The following SLC8A1 variants were observed in gnomAD, a reference collection of about 807,000 sequenced individuals.
The protein encoded by SLC8A1 is solute carrier family 8 member A1, also known as sodium/calcium exchanger 1.
A neutral mutation model predicts 68.3 loss-of-function variants in SLC8A1; 18 were observed. The ratio of observed to expected loss-of-function variants is 0.26; its 90% CI spans 0.18 to 0.39. SLC8A1 has a LOEUF of 0.39. Among genes scored for constraint, SLC8A1 ranks in the 10% least tolerant of loss-of-function variants. SLC8A1 has a pLI of 1.00. For synonymous variants in SLC8A1, 475 were observed against 415.5 expected, an observed-to-expected ratio of 1.14 and a Z score of -1.74; for missense variants, 985 against 1,156.7, an observed-to-expected ratio of 0.85 and a Z score of 2.15.
chr2:40,182,208 G>A (rs1481050513), intron 2 of SLC8A1, among the ~76,000 whole-genome samples: 1 of 152,162 alleles, frequency 6.6e-6, no homozygotes, highest in African/African-American at 2.4e-5. Context: ...GAACTGTTGG[G>A]TAGACACAGT....
At chr2:40,451,737 T>TCA (rs756970142) in intron 1 of SLC8A1, among the ~76,000 whole-genome samples, 167 bp downstream of exon 1, 14,563 of 133,546 alleles carry the variant, frequency 0.11, 917 homozygotes, top group Non-Finnish European at 0.13. Flanking sequence ...ACACACCACA[T>TCA]CACACACACA....
At chr2:40,330,344 G>C (rs571092965) in intron 2 of SLC8A1, among the ~76,000 whole-genome samples, 1 of 152,238 alleles carries the variant, frequency 6.6e-6, no homozygotes, top group South Asian at 2.1e-4. Context: ...TCTTTAAGCT[G>C]AATTCCCATA....
chr2:40,350,564 T>A (rs1285314158), intron 2 of SLC8A1, among the ~76,000 whole-genome samples: 1 of 107,324 alleles, frequency 9.3e-6, no homozygotes, highest in Non-Finnish European at 1.7e-5. Flanking sequence ...AAGCAAGCAT[T>A]ACTTCTCACG....
At chr2:40,415,076 TGAA>T (rs1465780244) in intron 2 of SLC8A1, among the ~76,000 whole-genome samples, 1 of 152,122 alleles carries the variant, frequency 6.6e-6, no homozygotes, top group East Asian at 1.9e-4. Context: ...ATGGAATGCA[TGAA>T]GAAGACTGAT....
At chr2:40,299,426 T>C (rs2071016335) in intron 2 of SLC8A1, among the ~76,000 whole-genome samples, 1 of 152,170 alleles carries the variant, frequency 6.6e-6, no homozygotes, top group South Asian at 2.1e-4. Context: ...CATGCTCTAA[T>C]AGAATTGTGG....
chr2:40,264,821 C>T (rs1378954665), intron 2 of SLC8A1, among the ~76,000 whole-genome samples: 1 of 136,506 alleles, frequency 7.3e-6, no homozygotes, highest in Admixed American at 7.4e-5. Context: ...GCACGTTGTG[C>T]ACATGTACCC....
chr2:40,382,812 G>C (rs565424696), intron 2 of SLC8A1, among the ~76,000 whole-genome samples: 12 of 152,166 alleles, frequency 7.9e-5, no homozygotes, highest in South Asian at 6.2e-4. Context: ...AGTTAAAATA[G>C]AATGTCTATT....
chr2:40,407,640 C>T (rs1052191920), intron 2 of SLC8A1, among the ~76,000 whole-genome samples: 5 of 152,212 alleles, frequency 3.3e-5, no homozygotes, highest in African/African-American at 7.2e-5. Flanking sequence ...GCTCTTGGTG[C>T]ACTGCATTTT....
At chr2:40,447,621 G>A (rs1701692572) in intron 1 of SLC8A1, among the ~76,000 whole-genome samples, 2 of 150,050 alleles carry the variant, frequency 1.3e-5, no homozygotes, top group Non-Finnish European at 3.0e-5. Context: ...AAGAACATAT[G>A]CTAATGATTT....
At chr2:40,507,217 A>G (rs1034303919) in intron 1 of SLC8A1, among the ~76,000 whole-genome samples, 9 of 151,948 alleles carry the variant, frequency 5.9e-5, no homozygotes, top group Admixed American at 3.9e-4. Flanking sequence ...TCATTTTCCA[A>G]TCGTCTTTAC....
intron 2 of SLC8A1, among the ~76,000 whole-genome samples, chr2:40,222,916 G>T (rs941011964): frequency 6.6e-6 from 1 of 152,202 alleles, no homozygotes; most frequent in Non-Finnish European, 1.5e-5. Flanking sequence ...TTACACTTTT[G>T]TTGGGAGTAT....
At chr2:40,247,715 A>C (rs1012798846) in intron 2 of SLC8A1, among the ~76,000 whole-genome samples, 14 of 152,222 alleles carry the variant, frequency 9.2e-5, no homozygotes, top group African/African-American at 3.1e-4. Flanking sequence ...TTCTAATAAA[A>C]ATGCATAAAT....
At chr2:40,112,348 C>A (rs1326306812) in exon 8 of SLC8A1, 4 of 127,678 alleles carry the variant, frequency 3.1e-5, no homozygotes, top group African/African-American at 8.8e-5. Flanking sequence ...GCCCCCCCCC[C>A]AAGCTGTGCA....
chr2:40,253,484 G>A (rs2063335284), intron 2 of SLC8A1, among the ~76,000 whole-genome samples: 1 of 151,932 alleles, frequency 6.6e-6, no homozygotes, highest in African/African-American at 2.4e-5. Flanking sequence ...CTCATATGTG[G>A]GAGATAAAAA....
chr2:40,304,191 C>G (rs1448789372), intron 2 of SLC8A1, among the ~76,000 whole-genome samples: 2 of 152,186 alleles, frequency 1.3e-5, no homozygotes, highest in Non-Finnish European at 2.9e-5. Flanking sequence ...CCTGGAAAAT[C>G]TGACAAATGC....
intron 1 of SLC8A1, among the ~76,000 whole-genome samples, chr2:40,441,378 C>G (rs1700448552): frequency 7.2e-6 from 1 of 138,098 alleles, no homozygotes; most frequent in Admixed American, 7.6e-5. Flanking sequence ...CTACCATTGA[C>G]TTTCTTCATA....
intron 2 of SLC8A1, among the ~76,000 whole-genome samples, chr2:40,354,111 T>C (rs756409487): frequency 6.6e-6 from 1 of 152,172 alleles, no homozygotes. Context: ...GGTTAAATAT[T>C]TTCAGATCTC....
chr2:40,118,471 C>A (rs996000399), intron 7 of SLC8A1: 1 of 152,106 alleles, frequency 6.6e-6, no homozygotes, highest in African/African-American at 2.4e-5. Flanking sequence ...CATGATCACA[C>A]ATTCACACAG....
At chr2:40,174,903 G>A in intron 3 of SLC8A1, 61 bp from the exon 5 acceptor site, 1 of 1,523,688 alleles carries the variant, frequency 6.6e-7, no homozygotes, top group Non-Finnish European at 9.1e-7. Flanking sequence ...ACAAATACCA[G>A]TGACATCAGA....
Sources: allele counts gnomAD v4.1 joint callset (sites outside exome capture counted in the v4.1 genomes callset), GRCh38; gene constraint gnomAD v4.1.1; transcripts MANE v1.5; gene names NCBI Gene and HGNC (gene_info 2026-07-23, HGNC 2026-07-21).